Variants in PDE2A observed in about 807,000 individuals in gnomAD.
PDE2A encodes cGMP-dependent 3',5'-cyclic phosphodiesterase.
Under a neutral mutation model 133.6 loss-of-function variants are expected in PDE2A, and 53 were observed. That is an observed-to-expected ratio of 0.40 (90% confidence interval 0.32 to 0.50). The LOEUF (loss-of-function observed/expected upper bound fraction) is 0.50, where lower values mean the gene tolerates loss of function less well. PDE2A is among the 20% of genes least tolerant of loss of function. PDE2A has a pLI of 0.73. For missense variants in PDE2A, 796 were observed against 1,232.4 expected (o/e 0.65, Z 5.30); for synonymous variants, 491 against 490.2 (o/e 1.00, Z -0.02).
chr11:72,656,343 G>C (rs1420434327), intron 1 of PDE2A, among the ~76,000 whole-genome samples: 2 of 152,188 alleles, frequency 1.3e-5, no homozygotes, highest in Non-Finnish European at 2.9e-5. Flanking sequence ...AGGCCCCAGG[G>C]CCAGAAGGAG....
intron 13 of PDE2A, among the ~76,000 whole-genome samples, chr11:72,587,071 T>A (rs1196422196): frequency 6.6e-6 from 1 of 152,190 alleles, no homozygotes. Context: ...AACCTTGGGC[T>A]CTTTCACACC....
chr11:72,659,115 C>G (rs1854980128), intron 1 of PDE2A, among the ~76,000 whole-genome samples: 1 of 151,960 alleles, frequency 6.6e-6, no homozygotes, highest in African/African-American at 2.4e-5. Flanking sequence ...ATAAAGGAAC[C>G]TGCCCAAGCC....
intron 4 of PDE2A, chr11:72,598,572 T>C: frequency 7.8e-7 from 1 of 1,289,168 alleles, no homozygotes; most frequent in Non-Finnish European, 1.0e-6. Context: ...TCCCTCATGC[T>C]GCCTCCACTT....
intron 1 of PDE2A, among the ~76,000 whole-genome samples, chr11:72,650,529 G>A (rs548066057): frequency 9.3e-5 from 14 of 151,312 alleles, no homozygotes; most frequent in South Asian, 8.4e-4. Flanking sequence ...TCATCCCCCC[G>A]TGCCCCACCT....
intron 1 of PDE2A, among the ~76,000 whole-genome samples, chr11:72,673,041 C>T (rs1172710706): frequency 2.0e-5 from 3 of 151,998 alleles, no homozygotes; most frequent in African/African-American, 7.3e-5. Flanking sequence ...CATGATCACA[C>T]ACCCACACCA....
At chr11:72,637,731 G>C (rs1858765043) in intron 2 of PDE2A, among the ~76,000 whole-genome samples, 1 of 152,236 alleles carries the variant, frequency 6.6e-6, no homozygotes, top group African/African-American at 2.4e-5. Flanking sequence ...TGGAGGAGCT[G>C]GCTGTGCATT....
At chr11:72,652,583 G>A (rs1854769682) in intron 1 of PDE2A, 1 of 456,156 alleles carries the variant, frequency 2.2e-6, no homozygotes, top group Non-Finnish European at 4.4e-6. Context: ...CAACTTTAAA[G>A]GGGAAGGGAG....
chr11:72,605,278 C>T (rs1856921642), intron 3 of PDE2A, 52 bp from the exon 4 acceptor site: 1 of 1,146,246 alleles, frequency 8.7e-7, no homozygotes, highest in East Asian at 2.5e-5. Context: ...CCCAGCTGCC[C>T]AGTCCCAGCC....
At chr11:72,584,066 C>T (rs1855843089) in intron 19 of PDE2A, 135 bp downstream of exon 19, 3 of 621,598 alleles carry the variant, frequency 4.8e-6, no homozygotes, top group Admixed American at 5.3e-5. Flanking sequence ...GAAGGCTGCA[C>T]CCCAGCGGCG....
chr11:72,588,676 T>G, intron 13 of PDE2A, 108 bp downstream of exon 13: 3 of 1,096,938 alleles, frequency 2.7e-6, no homozygotes, highest in Non-Finnish European at 3.9e-6. Flanking sequence ...CCACTGCTGC[T>G]GAGACAGTAG....
intron 2 of PDE2A, among the ~76,000 whole-genome samples, chr11:72,638,117 G>T (rs1591115183): frequency 6.6e-6 from 1 of 151,826 alleles, no homozygotes; most frequent in East Asian, 1.9e-4. Flanking sequence ...AGAGCAGCAT[G>T]GTGCTAGGAC....
At chr11:72,609,711 G>A (rs1224433210) in intron 2 of PDE2A, among the ~76,000 whole-genome samples, 1 of 152,098 alleles carries the variant, frequency 6.6e-6, no homozygotes, top group East Asian at 1.9e-4. Flanking sequence ...CCAGCCACCA[G>A]CCATGCCCTC....
At chr11:72,595,180 C>A (rs1324167003) in intron 6 of PDE2A, among the ~76,000 whole-genome samples, 1 of 152,184 alleles carries the variant, frequency 6.6e-6, no homozygotes, top group East Asian at 1.9e-4. Context: ...CTGACCCAGT[C>A]CTCATAGCCT....
intron 2 of PDE2A, chr11:72,621,882 T>C (rs898802311): frequency 6.6e-6 from 1 of 152,248 alleles, no homozygotes; most frequent in African/African-American, 2.4e-5. Flanking sequence ...TGGGATTTGC[T>C]TTAACATATT....
chr11:72,654,110 T>C (rs1165279661), intron 1 of PDE2A, among the ~76,000 whole-genome samples: 1 of 152,134 alleles, frequency 6.6e-6, no homozygotes, highest in Non-Finnish European at 1.5e-5. Context: ...TGGGCAGAGC[T>C]CCAGCCCTGG....
intron 1 of PDE2A, among the ~76,000 whole-genome samples, chr11:72,662,303 G>A (rs1350295233): frequency 6.6e-6 from 1 of 152,174 alleles, no homozygotes; most frequent in East Asian, 1.9e-4. Context: ...ACACAACAGG[G>A]ATGAGTTGGC....
Position 72,664,960 on chromosome 11 carries a change from C to T in PDE2A, c.71+9177G>A, listed in dbSNP as rs531476073. 5.2e-4 allele frequency among the ~76,000 whole-genome samples: 79 copies of T among 152,120 alleles called. 1 individual carries two copies. The highest frequency in any genetic ancestry group is 2.1e-4 in the Non-Finnish European group (14 of 68,030). ...TAGCTGGGATTACAGGCATCCACCA[C>T]CACGCCCAGCTAATTCTGTATTTTT... is the stretch of plus-strand genomic sequence containing the variant. On this transcript the variant is annotated intron_variant, in intron 1 of 30. Coordinates refer to ENST00000334456, the MANE Select transcript of PDE2A (RefSeq NM_002599.5).
intron 1 of PDE2A, chr11:72,669,099 A>C: frequency 1.1e-5 from 4 of 349,986 alleles, no homozygotes; most frequent in Non-Finnish European, 1.6e-5. Context: ...AATTATCTCC[A>C]CCCCACTATT....
At chr11:72,670,372 C>A (rs531998551) in intron 1 of PDE2A, among the ~76,000 whole-genome samples, 14 of 152,280 alleles carry the variant, frequency 9.2e-5, no homozygotes, top group African/African-American at 3.4e-4. Context: ...GAGTCCTGAT[C>A]TCCCTCCTCT....
Sources: allele counts gnomAD v4.1 joint callset (sites outside exome capture counted in the v4.1 genomes callset), GRCh38; gene constraint gnomAD v4.1.1; transcripts MANE v1.5; gene names NCBI Gene and HGNC (gene_info 2026-07-23, HGNC 2026-07-21).